Variants in C16orf89 observed in about 807,000 individuals in gnomAD.
The protein encoded by C16orf89 is UPF0764 protein C16orf89.
In C16orf89, 57 loss-of-function variants were observed where a neutral mutation model predicts 41.5. The observed-to-expected ratio is 1.38, with a 90% CI of 1.11 to 1.71. The LOEUF (loss-of-function observed/expected upper bound fraction) is 1.71. Among genes scored for constraint, C16orf89 ranks in the 40% most tolerant of loss-of-function variants. The pLI, the probability that C16orf89 is intolerant of heterozygous loss-of-function variation, is 0.00. For synonymous variants in C16orf89, 223 were observed against 190.6 expected (o/e 1.17, Z -1.40); for missense variants, 575 against 445.9 (o/e 1.29, Z -2.61).
chr16:5,055,415 G>A, intron 5 of C16orf89, 65 bp from the exon 6 acceptor site: 22 of 1,394,862 alleles, frequency 1.6e-5, no homozygotes, highest in Non-Finnish European at 2.2e-5. Flanking sequence ...CCACTCCCCA[G>A]GGCTGCCACG....
At chr16:5,044,650 T>C (rs760285332) in intron 7 of C16orf89, 172 bp from the exon 8 acceptor site, 3 of 1,287,002 alleles carry the variant, frequency 2.3e-6, no homozygotes, top group East Asian at 5.5e-5. Flanking sequence ...GAGACCAGCA[T>C]GAGCAACATG....
chr16:5,055,456 G>T, intron 5 of C16orf89, 106 bp from the exon 6 acceptor site: 1 of 1,144,524 alleles, frequency 8.7e-7, no homozygotes, highest in Non-Finnish European at 1.3e-6. Flanking sequence ...CCTGGGTTAG[G>T]CTTAGGAGGT....
rs1207810202 is a variant in C16orf89 at position 5,055,308 on chromosome 16, AG to A, written c.805del (p.Leu269SerfsTer42). The A allele has an allele frequency of 6.2e-7, 1 of 1,613,346 alleles. No homozygotes were observed. Among genetic ancestry groups the A allele is most frequent in the Admixed American group, 1.7e-5 (1 of 59,926 alleles). On this transcript the variant is annotated frameshift_variant, in exon 6 of 8. Transcript: ENST00000472572. LOFTEE classifies it high-confidence loss of function. ...GCTGAGAATGGCCTCCAGCCACCGG[AG>A]CTTGTAGAAGTCGGAGAAGCCGCCC... ...GMGGFSDFYK[L>X]RWLEAILSWQ...
chr16:5,048,192 C>T (rs886469913), intron 6 of C16orf89, among the ~76,000 whole-genome samples: 3 of 152,004 alleles, frequency 2.0e-5, no homozygotes, highest in Non-Finnish European at 4.4e-5. Context: ...CCATGTCCAG[C>T]TATTTAAAAA....
At chr16:5,063,703 C>G (rs1956674855) in intron 1 of C16orf89, among the ~76,000 whole-genome samples, 1 of 152,160 alleles carries the variant, frequency 6.6e-6, no homozygotes, top group Admixed American at 6.5e-5. Flanking sequence ...GATCTAATGC[C>G]CGATGATCTG....
At chr16:5,057,225 A>C (rs1956526690) in intron 4 of C16orf89, among the ~76,000 whole-genome samples, 2 of 148,376 alleles carry the variant, frequency 1.3e-5, no homozygotes, top group Admixed American at 1.4e-4. Flanking sequence ...CAACAGAGTG[A>C]GACTCCATCT....
chr16:5,064,257 C>G (rs1169077065), intron 1 of C16orf89, among the ~76,000 whole-genome samples: 2 of 152,214 alleles, frequency 1.3e-5, no homozygotes, highest in Admixed American at 1.3e-4. Context: ...AAACCAGTCC[C>G]TGGTGTCAAA....
rs769578777 is a variant in C16orf89 at position 5,065,920 on chromosome 16, G to C, written c.-12C>G. ...CCCAGGCTGGCCATGGCCGGCCTCT[G>C]CTCACTGCTGGTCACACGCTCAGCA... On this transcript the variant is annotated 5_prime_UTR_variant, in exon 1 of 8. Coordinates refer to ENST00000472572, the MANE Select transcript of C16orf89 (RefSeq NM_001098514.3). 4.3e-6 allele frequency: 7 copies of C among 1,610,986 alleles called. No individual in the cohort carries two copies. In the African/African-American group the frequency reaches 6.7e-5, roughly 15 times the overall value.
chr16:5,061,136 C>A (rs529120479), intron 2 of C16orf89, among the ~76,000 whole-genome samples: 4 of 150,882 alleles, frequency 2.7e-5, no homozygotes, highest in African/African-American at 7.3e-5. Context: ...GTGGCAGGTG[C>A]CTGTAGTCCC....
chr16:5,058,285 G>T (rs1170490381), intron 4 of C16orf89, among the ~76,000 whole-genome samples: 1 of 151,854 alleles, frequency 6.6e-6, no homozygotes, highest in Non-Finnish European at 1.5e-5. Context: ...ACGCCACCAC[G>T]TCCAGCTAAT....
At chr16:5,052,209 C>G (rs578155095) in intron 6 of C16orf89, among the ~76,000 whole-genome samples, 1 of 151,516 alleles carries the variant, frequency 6.6e-6, no homozygotes, top group Non-Finnish European at 1.5e-5. Context: ...CTATGAAAAA[C>G]GCTCACTATC....
At chr16:5,045,679 T>C (rs775027066) in intron 7 of C16orf89, among the ~76,000 whole-genome samples, 16 of 152,226 alleles carry the variant, frequency 1.1e-4, no homozygotes, top group Admixed American at 3.3e-4. Context: ...CCCCCAACAG[T>C]TTGGTGCCCA....
chr16:5,062,626 T>C lies in C16orf89; in HGVS notation c.209-52A>G, dbSNP rs1402913885. 2.7e-6 allele frequency: 4 copies of C among 1,506,602 alleles called. No individual in the cohort carries two copies. The African/African-American group carries it at 5.6e-5, about 21-fold the overall frequency. 93.3% of individuals were successfully genotyped at this position (1,506,602 alleles called of 1,614,324 possible). A position where few individuals can be genotyped will look rare whatever the true frequency, so the allele number is the denominator to read the frequency against. On this transcript the variant is annotated intron_variant, in intron 1 of 7. Coordinates refer to ENST00000472572, the MANE Select transcript of C16orf89 (RefSeq NM_001098514.3). ...CAACTATTTGGAATCGGGACCTTTTTTTGCCTTGGAACAAGAAAAAAAAAT... is the reference window on the plus strand; with the variant it reads ...CAACTATTTGGAATCGGGACCTTTTCTTGCCTTGGAACAAGAAAAAAAAAT...
At chr16:5,045,013 A>G (rs1224500489) in intron 7 of C16orf89, among the ~76,000 whole-genome samples, 4 of 152,100 alleles carry the variant, frequency 2.6e-5, no homozygotes, top group African/African-American at 7.2e-5. Context: ...TTACCAATAC[A>G]GGGATACAAA....
chr16:5,056,090 T>A lies in C16orf89; in HGVS notation c.726A>T (p.Gly242=). The change falls in exon 5 of 8, where the codon GGA becomes GGT. Residue 242 remains glycine, a synonymous_variant. Transcript: ENST00000472572. ...MDLNRRAEAI[G]YAYPTRDIFM... is the part of the protein sequence containing the mutation. Reference sequence around the variant, plus strand: ...AGATGTCCCGGGTAGGGTAGGCGTATCCGATGGCCTCAGCTCTGCGGTTCA... The same window carrying A: ...AGATGTCCCGGGTAGGGTAGGCGTAACCGATGGCCTCAGCTCTGCGGTTCA... The A allele has an allele frequency of 6.3e-7, 1 of 1,597,712 alleles. No homozygotes were observed. The highest frequency in any genetic ancestry group is 1.3e-5 in the African/African-American group (1 of 74,690).
chr16:5,062,863 A>G (rs554846293), intron 1 of C16orf89, among the ~76,000 whole-genome samples: 4 of 152,188 alleles, frequency 2.6e-5, no homozygotes, highest in African/African-American at 9.7e-5. Context: ...CAAATCCTCA[A>G]ATCCTTGACT....
intron 6 of C16orf89, among the ~76,000 whole-genome samples, chr16:5,052,970 A>G (rs1051745662): frequency 1.3e-5 from 2 of 152,246 alleles, no homozygotes; most frequent in Non-Finnish European, 2.9e-5. Flanking sequence ...TCTTTCATTC[A>G]TAGCAACATC....
In C16orf89 at chr16:5,058,535, G is replaced by T; in HGVS notation, c.585C>A (p.Tyr195Ter). The T allele has an allele frequency of 1.2e-6, 2 of 1,612,596 alleles. No homozygotes were observed. The highest frequency in any genetic ancestry group is 2.7e-5 in the African/African-American group (2 of 75,048). Reference protein sequence around the residue: ...SLMTKPGCSGYCLSHQLLFFL... With the variant: ...SLMTKPGCSG Reference sequence around the variant, plus strand: ...AGAAGAGCAGTTGGTGGGACAGGCAGTAGCCTGAGCAGCCGGGCTTGGTCA... The same window carrying T: ...AGAAGAGCAGTTGGTGGGACAGGCATTAGCCTGAGCAGCCGGGCTTGGTCA... Residue 195 changes from tyrosine to a stop codon, truncating the protein, a stop_gained, in exon 4 of 8, where the codon TAC becomes TAA. Coordinates refer to ENST00000472572, the MANE Select transcript of C16orf89 (RefSeq NM_001098514.3). LOFTEE classifies it high-confidence loss of function.
chr16:5,055,336 T>A lies in C16orf89; in HGVS notation c.778A>T (p.Met260Leu), dbSNP rs1956474338. 2 of 1,611,094 alleles carry A rather than the reference T, an allele frequency of 1.2e-6. No homozygotes were observed. The highest frequency in any genetic ancestry group is 1.1e-5 in the South Asian group (1 of 90,622). ...TTGTAGAAGTCGGAGAAGCCGCCCA[T>A]TCCACAGAACATGACTGGAAGTAAA... ...IFMENIMFCG[M>L]GGFSDFYKLR... Residue 260 changes from methionine to leucine, a missense_variant, in exon 6 of 8, where the codon ATG becomes TTG. By Grantham distance (15) the Met-to-Leu change is conservative. Coordinates refer to ENST00000472572, the MANE Select transcript of C16orf89 (RefSeq NM_001098514.3).
Sources: gnomAD v4.1 joint callset for allele counts (sites outside exome capture counted in the v4.1 genomes callset) on GRCh38, gnomAD v4.1.1 for gene constraint, MANE v1.5 for transcripts, NCBI Gene and HGNC (gene_info 2026-07-23, HGNC 2026-07-21) for gene names.